CELSR2: variants seen among roughly 807,000 people sequenced by gnomAD.
CELSR2 encodes the protein cadherin EGF LAG seven-pass G-type receptor 2, also known as EGF-like protein 2.
A neutral mutation model predicts 251.6 loss-of-function variants in CELSR2; 81 were observed. The observed-to-expected ratio is 0.32, with a 90% CI of 0.27 to 0.39. CELSR2 has a LOEUF of 0.39. Ranked by LOEUF, CELSR2 falls within the 10% of genes least tolerant of loss-of-function variation. CELSR2 has a pLI of 1.00. For missense variants in CELSR2, 3,365 were observed against 3,947.7 expected, an observed-to-expected ratio of 0.85 and a Z score of 3.96; for synonymous variants, 1,721 against 1,670.5, an observed-to-expected ratio of 1.03 and a Z score of -0.74.
Position 109,263,283 on chromosome 1 carries a change from G to A in CELSR2, c.4834+16G>A. 2 of 1,562,496 alleles carry A rather than the reference G, an allele frequency of 1.3e-6. No homozygotes were observed. Among genetic ancestry groups the A allele is most frequent in the Middle Eastern group, 1.7e-4 (1 of 5,850 alleles). Reference sequence around the variant, plus strand: ...TGCGCCCAGGGTAGGAGGGGCGGCTGTTAGAGGCCACAGCCTGGGTGCCAT... The same window carrying A: ...TGCGCCCAGGGTAGGAGGGGCGGCTATTAGAGGCCACAGCCTGGGTGCCAT... On this transcript the variant is annotated intron_variant, in intron 8 of 33. Coordinates refer to ENST00000271332, the MANE Select transcript of CELSR2 (RefSeq NM_001408.3).
chr1:109,264,209 G>A lies in CELSR2; in HGVS notation c.5133G>A (p.Gly1711=), dbSNP rs139444874. Residue 1711 remains glycine, a synonymous_variant, in exon 10 of 34, where the codon GGG becomes GGA. Coordinates refer to ENST00000271332, the MANE Select transcript of CELSR2 (RefSeq NM_001408.3). Reference sequence around the variant, plus strand: ...AGCTGGCACTGGGAGCCAGCGGGGGGCCCGGCCATGCCATTCTGTCCTTCG... The same window carrying A: ...AGCTGGCACTGGGAGCCAGCGGGGGACCCGGCCATGCCATTCTGTCCTTCG... The part of the protein sequence containing the change: ...HAQLALGASG[G]PGHAILSFDY... 1.9e-5 allele frequency: 30 copies of A among 1,613,144 alleles called. No homozygotes were observed. The highest frequency in any genetic ancestry group is 6.6e-5 in the South Asian group (6 of 91,092).
chr1:109,267,138 C>T lies in CELSR2; in HGVS notation c.6014-410C>T, dbSNP rs1656221693. Among the ~76,000 whole-genome samples, 3 of 152,166 alleles carry T rather than the reference C, an allele frequency of 2.0e-5. No individual in the cohort carries two copies. The South Asian group carries it at 6.2e-4, about 32-fold the overall frequency. On this transcript the variant is annotated intron_variant, in intron 15 of 33. Transcript: ENST00000271332. Reference sequence around the variant, plus strand: ...TCCAATCGTCAGCTCACCACCGAGTCCTGGAGTTACGCCACCACAAAGGCA... The same window carrying T: ...TCCAATCGTCAGCTCACCACCGAGTTCTGGAGTTACGCCACCACAAAGGCA...
rs528569233 is a variant in CELSR2, at chr1:109,264,138, C to T, written c.5062C>T (p.Arg1688Cys). 16 of 1,605,204 alleles carry T rather than the reference C, an allele frequency of 1.0e-5. No individual in the cohort carries two copies. The highest frequency in any genetic ancestry group is 7.7e-5 in the South Asian group (7 of 90,930). The change falls in exon 10 of 34, where the codon CGT becomes TGT. Residue 1688 changes from arginine to cysteine, a missense_variant. Transcript: ENST00000271332. ...EGTGLQASSL[R>C]LEPGRANDGD... ...CACAGGGCTTCAGGCCTCCTCTCTCCGTCTGGAGCCAGGCCGGGCCAATGA... is the reference window on the plus strand; with the variant it reads ...CACAGGGCTTCAGGCCTCCTCTCTCTGTCTGGAGCCAGGCCGGGCCAATGA...
At position 109,250,672 on chromosome 1, in the gene CELSR2, C is replaced by G. The variant is rs780794443; in HGVS notation, c.593C>G (p.Thr198Ser). ...GTGCCGGAGAACCAGCCAGCAGGCA[C>G]CCCTGTTGCATCCCTGAGGGCCATC... is the stretch of plus-strand genomic sequence containing the variant. ...ATVPENQPAG[T>S]PVASLRAIDP... is the part of the protein sequence containing the mutation. The change falls in exon 1 of 34, where the codon ACC becomes AGC. Residue 198 changes from threonine to serine, a missense_variant. Transcript: ENST00000271332. This position sits in a 1 kb window ranked among gnomAD's most constrained non-coding sequence, Gnocchi z 4.4. 1 of 1,614,114 alleles carries G rather than the reference C, an allele frequency of 6.2e-7. No homozygotes were observed. Among genetic ancestry groups the G allele is most frequent in the East Asian group, 2.2e-5 (1 of 44,884 alleles).
chr1:109,258,622 C>T lies in CELSR2; in HGVS notation c.3501C>T (p.Phe1167=). ...CGCCACCGGACCACGTGGTGGTCTT[C>T]AACGTACAGCGGGACACCGACGCCC... is the stretch of plus-strand genomic sequence containing the variant. ...LATPPDHVVV[F]NVQRDTDAPG... is the part of the protein sequence containing the mutation. The change falls in exon 2 of 34, where the codon TTC becomes TTT. Residue 1167 remains phenylalanine, a synonymous_variant. Coordinates refer to ENST00000271332, the MANE Select transcript of CELSR2 (RefSeq NM_001408.3). 1.3e-6 allele frequency: 2 copies of T among 1,570,608 alleles called. No individual in the cohort carries two copies. The highest frequency in any genetic ancestry group is 1.7e-6 in the Non-Finnish European group (2 of 1,157,924).
chr1:109,266,850 G>A (rs1656210570), intron 15 of CELSR2, among the ~76,000 whole-genome samples: 1 of 150,838 alleles, frequency 6.6e-6, no homozygotes, highest in South Asian at 2.1e-4. Context: ...CTTCCGAGTA[G>A]CTGGTACTAC....
chr1:109,268,200 AC>A, intron 17 of CELSR2, 140 bp downstream of exon 17: 1 of 1,277,534 alleles, frequency 7.8e-7, no homozygotes, highest in Non-Finnish European at 1.1e-6. Flanking sequence ...CCTCCATGAA[AC>A]CCTGTGACCC....
At position 109,270,131 on chromosome 1, in the gene CELSR2, C is replaced by G. The variant is rs1437390785; in HGVS notation, c.7306C>G (p.Pro2436Ala). Residue 2436 changes from proline (P) to alanine (A), a missense_variant and splice_region_variant, in exon 23 of 34, where the codon CCT (proline) becomes GCT (alanine). This residue lies in a region of CELSR2 where 2,093 missense variants were observed against 2,382.8 expected (regional missense o/e 0.88). Transcript: ENST00000271332. ...CCTGGGAATCAACCAGGCTGACCTC[C>G]CTGTAAGATGCTCCTACTGCCCAGA... ...FLLGINQADL[P>A]FACTVIAILL... 1.2e-6 allele frequency: 2 copies of G among 1,613,796 alleles called. No individual in the cohort carries two copies. The highest frequency in any genetic ancestry group is 1.7e-6 in the Non-Finnish European group (2 of 1,179,944).
Position 109,269,304 on chromosome 1 carries a change from G to A in CELSR2, c.6812+14G>A, listed in dbSNP as rs781460336. The A allele has an allele frequency of 5.6e-6, 9 of 1,612,734 alleles. No individual in the cohort carries two copies. In the Admixed American group the frequency reaches 1.0e-4, roughly 18 times the overall value. On this transcript the variant is annotated intron_variant, in intron 20 of 33. Coordinates refer to ENST00000271332, the MANE Select transcript of CELSR2 (RefSeq NM_001408.3). This position sits in a 1 kb window ranked among gnomAD's most constrained non-coding sequence, Gnocchi z 6.4. ...GCGCAGCTTGAGGTCAGCAGCTAGG[G>A]GACAGGTGTGGGTAGGGGTATGGGT...
Position 109,264,736 on chromosome 1 carries a change from T to C in CELSR2, c.5464+108T>C. The C allele has an allele frequency of 6.3e-6, 10 of 1,576,104 alleles. 1 individual carries two copies. In the South Asian group the frequency reaches 1.2e-4, roughly 18 times the overall value. ...GGGCATCACACCACCTCTCTGAGTCTTAGTTGCCTACACAACAAAGCCATA... is the reference window on the plus strand; with the variant it reads ...GGGCATCACACCACCTCTCTGAGTCCTAGTTGCCTACACAACAAAGCCATA... On this transcript the variant is annotated intron_variant, in intron 11 of 33. Coordinates refer to ENST00000271332, the MANE Select transcript of CELSR2 (RefSeq NM_001408.3).
At chr1:109,273,709 T>C in intron 33 of CELSR2, 39 bp downstream of exon 33, 2 of 1,396,386 alleles carry the variant, frequency 1.4e-6, no homozygotes, top group African/African-American at 1.5e-5. Context: ...GTGCAGCCCC[T>C]CGGAGGCCTC....
Position 109,272,941 on chromosome 1 carries a change from A to G in CELSR2, c.8252A>G (p.Glu2751Gly), listed in dbSNP as rs1021614753. The G allele has an allele frequency of 1.9e-6, 3 of 1,613,946 alleles. No homozygotes were observed. The highest frequency in any genetic ancestry group is 2.7e-5 in the African/African-American group (2 of 74,938). Reference sequence around the variant, plus strand: ...GAGGAGGAAGAAGAGGAGGAGGAAGAGGAGGCCGCCTTCCCTGGAGAGCAG... The same window carrying G: ...GAGGAGGAAGAAGAGGAGGAGGAAGGGGAGGCCGCCTTCCCTGGAGAGCAG... ...DSEEEEEEEE[E>G]EAAFPGEQGW... The change falls in exon 31 of 34, where the codon GAG (glutamate) becomes GGG (glycine). Residue 2751 changes from glutamate to glycine, a missense_variant. By Grantham distance (98) the Glu-to-Gly change is moderately conservative. Coordinates refer to ENST00000271332, the MANE Select transcript of CELSR2 (RefSeq NM_001408.3).
rs1227167246 is a variant in CELSR2 at position 109,271,146 on chromosome 1, A to T, written c.7597-71A>T. On this transcript the variant is annotated intron_variant, in intron 25 of 33. Coordinates refer to ENST00000271332, the MANE Select transcript of CELSR2 (RefSeq NM_001408.3). ...ACTCCCTTTAGGAACAGCTGAGGCC[A>T]CGGGGCCCTGTGGGCTGGGTGGAAG... The T allele has an allele frequency of 1.9e-6, 3 of 1,553,728 alleles. No homozygotes were observed. The African/African-American group carries it at 4.1e-5, about 21-fold the overall frequency.
In CELSR2 at chr1:109,264,461, G is replaced by T; in HGVS notation, c.5297G>T (p.Arg1766Leu). 1 of 1,612,638 alleles carries T rather than the reference G, an allele frequency of 6.2e-7. No homozygotes were observed. ...RGFRGCLQGV[R>L]VSDTPEGVNS... ...TGCTCCTGTCCCTCCCAGGGTGTGC[G>T]GGTGAGCGATACGCCGGAGGGGGTT... Residue 1766 changes from arginine (R) to leucine (L), a missense_variant, in exon 11 of 34, where the codon CGG becomes CTG. This residue lies in a region of CELSR2 where 2,093 missense variants were observed against 2,382.8 expected (regional missense o/e 0.88). Transcript: ENST00000271332.
At chr1:109,273,897 C>G (rs963121885) in intron 33 of CELSR2, 125 bp from the exon 34 acceptor site, 1 of 1,342,574 alleles carries the variant, frequency 7.4e-7, no homozygotes. Context: ...GGGCAGAGTG[C>G]GGGAGGATGG....
rs1179352795 is a variant in CELSR2, at chr1:109,249,569, G to C, written c.-511G>C. On this transcript the variant is annotated 5_prime_UTR_variant, in exon 1 of 34. Coordinates refer to ENST00000271332, the MANE Select transcript of CELSR2 (RefSeq NM_001408.3). ...GCTCGCCCGCCCGCCGGGGAGGCGA[G>C]GGAGCGCGGGGCTGGGCCCGGGGCC... 1.3e-5 allele frequency among the ~76,000 whole-genome samples: 2 copies of C among 150,082 alleles called. No homozygotes were observed. Among genetic ancestry groups the C allele is most frequent in the African/African-American group, 4.9e-5 (2 of 41,188 alleles).
At chr1:109,271,892 G>A (rs1237623639) in intron 28 of CELSR2, among the ~76,000 whole-genome samples, 170 bp downstream of exon 28, 1 of 152,242 alleles carries the variant, frequency 6.6e-6, no homozygotes, top group Non-Finnish European at 1.5e-5. Flanking sequence ...GTTGGAAAGG[G>A]TGTGTAGGAT....
At position 109,258,880 on chromosome 1, in the gene CELSR2, G is replaced by C. The variant is rs1484353401; in HGVS notation, c.3759G>C (p.Ala1253=). Residue 1253 remains alanine, a synonymous_variant, in exon 2 of 34, where the codon GCG becomes GCC. Transcript: ENST00000271332. ...CVSVLRFDSS[A]PFIASSSVLF... is the part of the protein sequence containing the mutation. ...CGGTGCTGCGCTTCGACTCCTCCGCGCCCTTCATCGCCTCCTCCTCCGTGC... is the reference window on the plus strand; with the variant it reads ...CGGTGCTGCGCTTCGACTCCTCCGCCCCCTTCATCGCCTCCTCCTCCGTGC... 1 of 1,612,258 alleles carries C rather than the reference G, an allele frequency of 6.2e-7. No homozygotes were observed.
In CELSR2 at chr1:109,269,188, A is replaced by T. The variant is rs1427985113; in HGVS notation, c.6710A>T (p.His2237Leu). 2 of 1,612,524 alleles carry T rather than the reference A, an allele frequency of 1.2e-6. No homozygotes were observed. Among genetic ancestry groups the T allele is most frequent in the Non-Finnish European group, 1.7e-6 (2 of 1,179,690 alleles). Residue 2237 changes from histidine to leucine, a missense_variant, in exon 20 of 34, where the codon CAC becomes CTC. This residue lies in a region of CELSR2 where 2,093 missense variants were observed against 2,382.8 expected (regional missense o/e 0.88). Transcript: ENST00000271332. This position sits in a 1 kb window ranked among gnomAD's most constrained non-coding sequence, Gnocchi z 6.4. ...PEELARRQRR[H>L]PELSQGEAVA... Reference sequence around the variant, plus strand: ...GAGCTGGCACGGCGACAGCGACGGCACCCGGAGCTGAGCCAGGGTGAGGCT... The same window carrying T: ...GAGCTGGCACGGCGACAGCGACGGCTCCCGGAGCTGAGCCAGGGTGAGGCT...
Sources: allele counts gnomAD v4.1 joint callset (sites outside exome capture counted in the v4.1 genomes callset), GRCh38; gene constraint gnomAD v4.1.1; regional missense constraint gnomAD v4.1.1; non-coding constraint Gnocchi (gnomAD v3.1); transcripts MANE v1.5; gene names NCBI Gene and HGNC (gene_info 2026-07-23, HGNC 2026-07-21).